Variants in GYPC observed in about 807,000 individuals in gnomAD.
The protein encoded by GYPC is glycophorin-C.
GYPC carries 14 observed loss-of-function variants against 12.6 expected under a neutral mutation model. The observed-to-expected ratio is 1.11, with a 90% confidence interval of 0.74 to 1.74. The LOEUF is 1.74. Among genes scored for constraint, GYPC ranks in the 40% most tolerant of loss-of-function variants. The probability of loss-of-function intolerance (pLI) is 0.00; values close to 1 mark genes in which losing one functional copy is unlikely to be tolerated. For missense variants in GYPC, 225 were observed against 172.1 expected (o/e 1.31, Z -1.72); for synonymous variants, 78 against 62.1 (o/e 1.26, Z -1.20).
At chr2:126,665,152 G>A (rs1434602216) in intron 1 of GYPC, among the ~76,000 whole-genome samples, 1 of 152,210 alleles carries the variant, frequency 6.6e-6, no homozygotes, top group East Asian at 1.9e-4. Context: ...TCAAGAGGAA[G>A]GATGTAGGAA....
chr2:126,665,714 C>A (rs1197563137), intron 1 of GYPC, among the ~76,000 whole-genome samples: 1 of 152,240 alleles, frequency 6.6e-6, no homozygotes, highest in African/African-American at 2.4e-5. Context: ...GGGCTGTGCA[C>A]GCCCTGGCAA....
At chr2:126,673,599 A>C (rs766644687) in intron 1 of GYPC, among the ~76,000 whole-genome samples, 8 of 152,212 alleles carry the variant, frequency 5.3e-5, no homozygotes, top group Non-Finnish European at 8.8e-5. Flanking sequence ...CCAATAGCAA[A>C]TGGCGGAGCC....
chr2:126,690,268 G>A lies in GYPC; in HGVS notation c.63G>A (p.Gly21=). Residue 21 remains glycine, a synonymous_variant, in exon 2 of 4, where the codon GGG becomes GGA. Transcript: ENST00000259254. ...AWPLSLEPDP[G]MASASTTMHT... ...CTCTGTTCACAGAGCCTGATCCGGG[G>A]ATGGCCTCTGCCTCCACCACAATGC... 1.2e-6 allele frequency: 2 copies of A among 1,612,850 alleles called. No individual in the cohort carries two copies. Among genetic ancestry groups the A allele is most frequent in the Admixed American group, 1.7e-5 (1 of 60,026 alleles).
At chr2:126,664,100 A>G (rs953908222) in intron 1 of GYPC, among the ~76,000 whole-genome samples, 4 of 152,090 alleles carry the variant, frequency 2.6e-5, no homozygotes, top group Non-Finnish European at 5.9e-5. Context: ...TGGATTTGTC[A>G]TATTAATCCC....
intron 1 of GYPC, chr2:126,685,714 G>T: frequency 1.1e-6 from 1 of 901,524 alleles, no homozygotes; most frequent in Non-Finnish European, 1.3e-6. Flanking sequence ...CAGGCTTGTA[G>T]GTTCCTCGCA....
chr2:126,677,435 G>A (rs1037960322), intron 1 of GYPC, among the ~76,000 whole-genome samples: 3 of 138,158 alleles, frequency 2.2e-5, no homozygotes, highest in African/African-American at 7.9e-5. Context: ...ATGTGAGAGA[G>A]TAGGAGTGTG....
intron 1 of GYPC, chr2:126,657,487 C>G (rs1210811528): frequency 6.6e-6 from 1 of 152,238 alleles, no homozygotes; most frequent in Admixed American, 6.5e-5. Context: ...TGTCCCGGCA[C>G]GGAGTCTGAC....
chr2:126,668,477 G>GTC (rs1682747825), intron 1 of GYPC, among the ~76,000 whole-genome samples: 1 of 152,166 alleles, frequency 6.6e-6, no homozygotes, highest in African/African-American at 2.4e-5. Context: ...CATAGCAGAC[G>GTC]TCTCTACCCC....
chr2:126,665,199 A>C (rs956998663), intron 1 of GYPC, among the ~76,000 whole-genome samples: 2 of 152,140 alleles, frequency 1.3e-5, no homozygotes, highest in African/African-American at 4.8e-5. Context: ...TTGAGATACA[A>C]TCTCTTGCCC....
intron 1 of GYPC, among the ~76,000 whole-genome samples, chr2:126,665,630 G>A (rs1682657976): frequency 6.6e-6 from 1 of 152,190 alleles, no homozygotes; most frequent in South Asian, 2.1e-4. Flanking sequence ...TGGGTGCATT[G>A]ATCACCTCAG....
rs914349784 is a variant in GYPC at position 126,686,634 on chromosome 2, G to A, written c.50-3621G>A. The A allele has an allele frequency of 3.3e-5, 32 of 984,126 alleles. No individual in the cohort carries two copies. In the East Asian group the frequency reaches 4.5e-4, roughly 14 times the overall value. The allele number at this position is 984,126 out of a possible 1,614,324, so 61.0% of individuals were successfully genotyped here. ...AGCAAGACAAGCCTGAACGTGTGGA[G>A]CTTCCTGTCTGGTAGGGTGTTGCAG... On this transcript the variant is annotated intron_variant, in intron 1 of 3. Coordinates refer to ENST00000259254, the MANE Select transcript of GYPC (RefSeq NM_002101.5).
chr2:126,683,275 A>G (rs2014297), intron 1 of GYPC, among the ~76,000 whole-genome samples: 68,668 of 151,786 alleles, frequency 0.45, 15,928 homozygotes, highest in East Asian at 0.5. Context: ...AGTCTAGGTC[A>G]CGCCATTGCA....
chr2:126,665,022 G>A (rs1682641729), intron 1 of GYPC, among the ~76,000 whole-genome samples: 1 of 150,996 alleles, frequency 6.6e-6, no homozygotes, highest in African/African-American at 2.4e-5. Flanking sequence ...TTACTCTTTT[G>A]GCCTTTTAAG....
chr2:126,671,826 G>A (rs538752985), intron 1 of GYPC, among the ~76,000 whole-genome samples: 31 of 152,352 alleles, frequency 2.0e-4, no homozygotes, highest in African/African-American at 6.5e-4. Flanking sequence ...GGCACTAAGG[G>A]CTGGGTGGCC....
chr2:126,683,217 G>T (rs1278600221), intron 1 of GYPC, among the ~76,000 whole-genome samples: 1 of 152,294 alleles, frequency 6.6e-6, no homozygotes. Flanking sequence ...TACTCGGGAG[G>T]CTGAGGCAGG....
At chr2:126,692,187 T>A (rs1157538401) in intron 2 of GYPC, among the ~76,000 whole-genome samples, 1 of 152,138 alleles carries the variant, frequency 6.6e-6, no homozygotes, top group East Asian at 1.9e-4. Flanking sequence ...TCCTATACCC[T>A]GCCTGGTTCC....
chr2:126,690,397 G>C, intron 2 of GYPC, 86 bp downstream of exon 2: 6 of 1,016,842 alleles, frequency 5.9e-6, no homozygotes, highest in South Asian at 5.1e-5. Flanking sequence ...TAAGCAGCCA[G>C]GGTTGGGGGA....
intron 1 of GYPC, among the ~76,000 whole-genome samples, chr2:126,658,973 C>T (rs979821443): frequency 1.3e-5 from 2 of 152,086 alleles, no homozygotes; most frequent in Non-Finnish European, 2.9e-5. Flanking sequence ...ATAAATTCTC[C>T]CACCTCAGCA....
Position 126,694,212 on chromosome 2 carries a change from G to A in GYPC, c.190+265G>A, listed in dbSNP as rs372980785. On this transcript the variant is annotated intron_variant, in intron 3 of 3. Transcript: ENST00000259254. ...CAGGAACTCAGGAGCTGGAGAGGCA[G>A]CAGTTTTGGTGAAGGAGGTTGAGGG... 2.9e-4 allele frequency among the ~76,000 whole-genome samples: 44 copies of A among 152,280 alleles called. 1 individual carries two copies. The South Asian group carries it at 8.3e-3, about 29-fold the overall frequency.
Sources: allele counts gnomAD v4.1 joint callset (sites outside exome capture counted in the v4.1 genomes callset), GRCh38; gene constraint gnomAD v4.1.1; transcripts MANE v1.5; gene names NCBI Gene and HGNC (gene_info 2026-07-23, HGNC 2026-07-21).